Variants in NR3C1 observed in about 807,000 individuals in gnomAD.
NR3C1 encodes the protein glucocorticoid receptor.
NR3C1 carries 14 observed loss-of-function variants against 74.0 expected under a neutral mutation model. That is an observed-to-expected ratio of 0.19 (90% CI 0.12 to 0.30). The LOEUF (loss-of-function observed/expected upper bound fraction) is 0.30. NR3C1 is among the 10% of genes least tolerant of loss of function. The probability of loss-of-function intolerance (pLI) is 1.00; values close to 1 mark genes in which losing one functional copy is unlikely to be tolerated. For synonymous variants in NR3C1, 308 were observed against 332.5 expected (o/e 0.93, Z 0.80); for missense variants, 695 against 909.8 (o/e 0.76, Z 3.04).
chr5:143,396,777 G>A (rs767083333), intron 2 of NR3C1, among the ~76,000 whole-genome samples: 4 of 151,590 alleles, frequency 2.6e-5, no homozygotes, highest in Admixed American at 6.6e-5. Flanking sequence ...TTCAGGATAC[G>A]AACAATTTTT....
intron 2 of NR3C1, among the ~76,000 whole-genome samples, chr5:143,384,436 C>T (rs975207296): frequency 6.6e-6 from 1 of 152,168 alleles, no homozygotes; most frequent in Non-Finnish European, 1.5e-5. Context: ...ACAAAGTCTT[C>T]TTGGGTCAAG....
chr5:143,376,742 G>A (rs184721658), intron 2 of NR3C1, among the ~76,000 whole-genome samples: 2 of 152,300 alleles, frequency 1.3e-5, no homozygotes, highest in East Asian at 1.9e-4. Flanking sequence ...ATGGGGGTAA[G>A]AGCAGGGAGG....
At chr5:143,387,616 T>C (rs1312101320) in intron 2 of NR3C1, among the ~76,000 whole-genome samples, 2 of 152,190 alleles carry the variant, frequency 1.3e-5, no homozygotes, top group East Asian at 1.9e-4. Flanking sequence ...CATTCTTAAA[T>C]GACCTCATCT....
intron 2 of NR3C1, among the ~76,000 whole-genome samples, chr5:143,396,500 C>T (rs544917195): frequency 4.5e-4 from 68 of 151,842 alleles, no homozygotes; most frequent in Non-Finnish European, 7.8e-4. Flanking sequence ...CAAAACAAAT[C>T]TCTTCTCTTC....
At position 143,281,748 on chromosome 5, in the gene NR3C1, T is replaced by C. The variant is rs1449619443; in HGVS notation, c.*141A>G. On this transcript the variant is annotated 3_prime_UTR_variant, in exon 9 of 9. Transcript: ENST00000394464. ...AAGTCTTGGCCCTCTATAAACCACA[T>C]GTAGTGCGTATTTAAAACAAAACAA... is the stretch of plus-strand genomic sequence containing the variant. 1.1e-6 allele frequency: 1 copy of C among 872,332 alleles called. No homozygotes were observed. Among genetic ancestry groups the C allele is most frequent in the South Asian group, 1.6e-5 (1 of 62,398 alleles). 54.0% of individuals were successfully genotyped at this position (872,332 alleles called of 1,614,324 possible).
At chr5:143,335,452 G>C (rs1826944514) in intron 2 of NR3C1, among the ~76,000 whole-genome samples, 1 of 152,092 alleles carries the variant, frequency 6.6e-6, no homozygotes, top group Non-Finnish European at 1.5e-5. Flanking sequence ...AAGCTAAATT[G>C]GAAGATACTT....
intron 1 of NR3C1, among the ~76,000 whole-genome samples, chr5:143,421,469 C>A (rs984378013): frequency 1.3e-5 from 2 of 152,096 alleles, no homozygotes; most frequent in Admixed American, 1.3e-4. Context: ...AACAATAGTA[C>A]CTACCTCACA....
At chr5:143,381,096 C>T (rs529084628) in intron 2 of NR3C1, among the ~76,000 whole-genome samples, 1 of 152,074 alleles carries the variant, frequency 6.6e-6, no homozygotes, top group Non-Finnish European at 1.5e-5. Flanking sequence ...AGTACAGTTA[C>T]AGGATACAAA....
intron 2 of NR3C1, among the ~76,000 whole-genome samples, chr5:143,338,602 C>T (rs966917988): frequency 6.6e-6 from 1 of 152,036 alleles, no homozygotes; most frequent in Admixed American, 6.5e-5. Context: ...AAAAAGCTTA[C>T]AGAAGAAGGA....
intron 2 of NR3C1, among the ~76,000 whole-genome samples, chr5:143,348,926 A>G (rs138813340): frequency 6.6e-6 from 1 of 152,294 alleles, no homozygotes; most frequent in African/African-American, 2.4e-5. Flanking sequence ...ATTATTGACA[A>G]AGGAAAACAT....
intron 7 of NR3C1, chr5:143,294,386 T>C: frequency 1.2e-6 from 1 of 854,368 alleles, no homozygotes; most frequent in Non-Finnish European, 1.4e-6. Flanking sequence ...ACCAACTAGT[T>C]CATAGAGCTT....
chr5:143,279,445 T>G lies in NR3C1; in HGVS notation c.*2444A>C. ...GAATGATAATCTACGTTTTAGAAGC[T>G]CTTTTTGAAACTTAACACTGTCATT... On this transcript the variant is annotated 3_prime_UTR_variant, in exon 9 of 9. Transcript: ENST00000394464. The G allele has an allele frequency of 1.3e-6, 2 of 1,494,942 alleles. No homozygotes were observed. Among genetic ancestry groups the G allele is most frequent in the South Asian group, 1.4e-5 (1 of 71,906 alleles). The allele number at this position is 1,494,942 out of a possible 1,614,324, so 92.6% of individuals were successfully genotyped here.
intron 2 of NR3C1, among the ~76,000 whole-genome samples, chr5:143,350,469 T>A (rs189702104): frequency 3.9e-5 from 6 of 152,268 alleles, no homozygotes; most frequent in African/African-American, 1.4e-4. Context: ...GCACCATATA[T>A]TTCCTGAGAT....
chr5:143,403,810 G>C (rs1389195500), upstream of NR3C1: 2 of 976,508 alleles, frequency 2.0e-6, no homozygotes, highest in Non-Finnish European at 2.4e-6. Flanking sequence ...GGCAACTGCA[G>C]GGGCGCCCGC....
intron 2 of NR3C1, among the ~76,000 whole-genome samples, chr5:143,376,511 G>A (rs1835219755): frequency 6.6e-6 from 1 of 152,138 alleles, no homozygotes; most frequent in African/African-American, 2.4e-5. Context: ...GCTGCTTTTG[G>A]CTTTATTATA....
chr5:143,402,165 C>A (rs542066524), intron 1 of NR3C1, among the ~76,000 whole-genome samples: 2 of 152,194 alleles, frequency 1.3e-5, no homozygotes, highest in African/African-American at 4.8e-5. Context: ...CCCCGTTTAT[C>A]TGAGGCGATA....
intron 1 of NR3C1, among the ~76,000 whole-genome samples, chr5:143,408,723 C>T (rs1478686728): frequency 2.0e-5 from 3 of 152,076 alleles, no homozygotes; most frequent in East Asian, 3.8e-4. Flanking sequence ...TAGGATTTTT[C>T]ATTTGTGGTA....
intron 4 of NR3C1, among the ~76,000 whole-genome samples, chr5:143,304,903 G>A (rs1268983202): frequency 5.9e-5 from 9 of 152,060 alleles, no homozygotes; most frequent in Admixed American, 5.2e-4. Context: ...TTAGTAAGGT[G>A]GATTAAAGAT....
intron 2 of NR3C1, among the ~76,000 whole-genome samples, chr5:143,355,715 T>A (rs180786951): frequency 3.3e-5 from 5 of 152,304 alleles, no homozygotes; most frequent in Non-Finnish European, 7.4e-5. Flanking sequence ...CTCATTATCA[T>A]GTTAAAGGTA....
Sources: gnomAD v4.1 joint callset for allele counts (sites outside exome capture counted in the v4.1 genomes callset) on GRCh38, gnomAD v4.1.1 for gene constraint, MANE v1.5 for transcripts, NCBI Gene and HGNC (gene_info 2026-07-23, HGNC 2026-07-21) for gene names.